IRAK1BP1: variants seen among roughly 807,000 people sequenced by gnomAD.
IRAK1BP1 encodes interleukin-1 receptor-associated kinase 1-binding protein 1.
In IRAK1BP1, 24 loss-of-function variants were observed where a neutral mutation model predicts 28.0. The ratio of observed to expected loss-of-function variants is 0.86; its 90% CI spans 0.62 to 1.20. IRAK1BP1 has a LOEUF of 1.20. Ranked by LOEUF, IRAK1BP1 falls within the 50% of genes most tolerant of loss-of-function variation. The pLI, the probability that IRAK1BP1 is intolerant of heterozygous loss-of-function variation, is 0.00. For missense variants in IRAK1BP1, 336 were observed against 316.7 expected (o/e 1.06, Z -0.46); for synonymous variants, 131 against 116.3 (o/e 1.13, Z -0.81).
chr6:78,891,762 T>C (rs1445045111), intron 2 of IRAK1BP1, among the ~76,000 whole-genome samples: 1 of 152,134 alleles, frequency 6.6e-6, no homozygotes, highest in Non-Finnish European at 1.5e-5. Flanking sequence ...GTGCCCAGCC[T>C]AGAGGAATTT....
downstream of IRAK1BP1, among the ~76,000 whole-genome samples, chr6:78,947,952 C>G (rs1773918417): frequency 1.4e-5 from 1 of 69,384 alleles, no homozygotes; most frequent in Admixed American, 1.6e-4. Context: ...ATTTCATACT[C>G]CCCCCCCTTA....
chr6:78,871,966 G>A (rs769820723), intron 1 of IRAK1BP1: 49 of 500,026 alleles, frequency 9.8e-5, no homozygotes, highest in Non-Finnish European at 1.4e-4. Flanking sequence ...CCTGGCTGCC[G>A]GAATCCACTC....
intron 4 of IRAK1BP1, among the ~76,000 whole-genome samples, chr6:78,924,782 G>A (rs1772841263): frequency 6.6e-6 from 1 of 152,098 alleles, no homozygotes; most frequent in African/African-American, 2.4e-5. Flanking sequence ...ATCAACAAAT[G>A]TAATCCAGCA....
intron 4 of IRAK1BP1, chr6:78,941,033 T>G (rs774747260): frequency 3.1e-6 from 5 of 1,613,888 alleles, no homozygotes; most frequent in Non-Finnish European, 4.2e-6. Context: ...TCCACGATTC[T>G]TTTTCTGTAA....
the IRAK1BP1 span, among the ~76,000 whole-genome samples, chr6:78,958,877 G>C: frequency 1.3e-5 from 2 of 152,060 alleles, no homozygotes; most frequent in Non-Finnish European, 2.9e-5. Flanking sequence ...TCTATATGGG[G>C]AGTGGCAGGA....
the IRAK1BP1 span, chr6:78,966,121 A>G: frequency 1.0e-6 from 1 of 995,192 alleles, no homozygotes; most frequent in Non-Finnish European, 1.6e-6. Flanking sequence ...GCTTTTTCCT[A>G]ACGTTAACCT....
In IRAK1BP1 at chr6:78,870,152, A is replaced by G. The variant is rs138003533; in HGVS notation, c.315+2261A>G. 6.5e-4 allele frequency among the ~76,000 whole-genome samples: 92 copies of G among 142,268 alleles called. 1 individual carries two copies. In the South Asian group the frequency reaches 8.7e-3, roughly 13 times the overall value. The allele number at this position is 142,268 out of a possible 152,430, so 93.3% of individuals were successfully genotyped here. ...AAAAAAAAAAAAAAGATGGAGCCTG[A>G]CTATCCTCATCTCCTATCATATCTT... On this transcript the variant is annotated intron_variant, in intron 1 of 3. Coordinates refer to ENST00000369940, the MANE Select transcript of IRAK1BP1 (RefSeq NM_001010844.4).
the IRAK1BP1 span, among the ~76,000 whole-genome samples, chr6:78,969,485 G>A: frequency 7.2e-5 from 11 of 152,244 alleles, no homozygotes; most frequent in Middle Eastern, 3.4e-3. Flanking sequence ...AAAAATGTCA[G>A]TTTAGCTTTA....
downstream of IRAK1BP1, chr6:78,946,981 AATT>A: frequency 1.6e-6 from 1 of 618,492 alleles, no homozygotes; most frequent in Middle Eastern, 3.5e-4. Flanking sequence ...TTTAGAATTT[AATT>A]ATTGTTTTTT....
chr6:78,948,096 A>G (rs1257250634), downstream of IRAK1BP1, among the ~76,000 whole-genome samples: 1 of 152,172 alleles, frequency 6.6e-6, no homozygotes, highest in Non-Finnish European at 1.5e-5. Context: ...CTACAACCGA[A>G]AGTTTGAAAG....
downstream of IRAK1BP1, chr6:78,946,594 G>T: frequency 7.0e-7 from 1 of 1,422,740 alleles, no homozygotes; most frequent in Non-Finnish European, 9.1e-7. Context: ...GAACTTGCAT[G>T]TCAAATTATC....
downstream of IRAK1BP1, among the ~76,000 whole-genome samples, chr6:78,903,860 A>G (rs1772188064): frequency 6.6e-6 from 1 of 152,178 alleles, no homozygotes; most frequent in Admixed American, 6.5e-5. Context: ...ATACAGACAT[A>G]TAGTTTCAGT....
intron 1 of IRAK1BP1, among the ~76,000 whole-genome samples, chr6:78,878,581 GT>G (rs1771098991): frequency 6.6e-6 from 1 of 152,208 alleles, no homozygotes; most frequent in Non-Finnish European, 1.5e-5. Context: ...AAAAATCAGA[GT>G]GCCTTTTCTC....
At chr6:78,945,564 C>T (rs1191201789) in exon 5 of IRAK1BP1, 1 of 997,310 alleles carries the variant, frequency 1.0e-6, no homozygotes, top group Non-Finnish European at 1.5e-6. Flanking sequence ...AAAAGGTTAA[C>T]CTGAATTATT....
chr6:78,874,388 A>G (rs1374607118), intron 1 of IRAK1BP1, among the ~76,000 whole-genome samples: 3 of 151,878 alleles, frequency 2.0e-5, no homozygotes, highest in African/African-American at 7.3e-5. Context: ...AGGATTCTGT[A>G]TTTCTTGTTT....
the IRAK1BP1 span, among the ~76,000 whole-genome samples, chr6:78,977,648 A>T: frequency 6.6e-6 from 1 of 152,198 alleles, no homozygotes; most frequent in African/African-American, 2.4e-5. Flanking sequence ...ATCATTCAAC[A>T]AGGAATTACA....
At chr6:78,950,300 A>C (rs1445613697), downstream of IRAK1BP1, among the ~76,000 whole-genome samples, 1 of 152,134 alleles carries the variant, frequency 6.6e-6, no homozygotes, top group African/African-American at 2.4e-5. Context: ...TATTTCGTTA[A>C]AGGTTTTTCT....
chr6:78,903,170 T>A, downstream of IRAK1BP1: 1 of 913,042 alleles, frequency 1.1e-6, no homozygotes, highest in Non-Finnish European at 1.7e-6. Context: ...TACTGTATTC[T>A]TTGCTACATA....
the IRAK1BP1 span, chr6:78,966,145 C>T: frequency 1.3e-6 from 1 of 791,344 alleles, no homozygotes; most frequent in Non-Finnish European, 2.2e-6. Flanking sequence ...AGTACCTAAA[C>T]TGCCTGTATG....
Sources: gnomAD v4.1 joint callset for allele counts (sites outside exome capture counted in the v4.1 genomes callset) on GRCh38, gnomAD v4.1.1 for gene constraint, MANE v1.5 for transcripts, NCBI Gene and HGNC (gene_info 2026-07-23, HGNC 2026-07-21) for gene names.